Variants in AMZ2 observed in about 807,000 individuals in gnomAD.
AMZ2 encodes the protein archaelysin family metallopeptidase 2.
A neutral mutation model predicts 36.7 loss-of-function variants in AMZ2; 26 were observed. The ratio of observed to expected loss-of-function variants is 0.71; its 90% confidence interval spans 0.52 to 0.98. The LOEUF is 0.98. AMZ2 is among the 50% of genes least tolerant of loss of function. AMZ2 has a pLI of 0.00. For missense variants in AMZ2, 394 were observed against 430.5 expected (o/e 0.92, Z 0.75); for synonymous variants, 144 against 149.1 (o/e 0.97, Z 0.25).
intron 1 of AMZ2, among the ~76,000 whole-genome samples, chr17:68,241,395 A>G (rs2073897585): frequency 6.6e-6 from 1 of 152,208 alleles, no homozygotes; most frequent in South Asian, 2.1e-4. Flanking sequence ...TGACCACCAG[A>G]TTCAACCAAA....
chr17:68,253,232 A>AT (rs2074622309), intron 4 of AMZ2, among the ~76,000 whole-genome samples: 1 of 152,208 alleles, frequency 6.6e-6, no homozygotes, highest in African/African-American at 2.4e-5. Context: ...CCAGAATGCT[A>AT]TCTTTGCTTA....
rs1555743327 is a variant in AMZ2 at position 68,256,981 on chromosome 17, T to C, written c.*12T>C. ...TTCTCCAAAAATGAGGACCTTCAAATAGGAGTGATTGAAATAAATAACTAC... is the reference window on the plus strand; with the variant it reads ...TTCTCCAAAAATGAGGACCTTCAAACAGGAGTGATTGAAATAAATAACTAC... On this transcript the variant is annotated 3_prime_UTR_variant, in exon 7 of 7. Coordinates refer to ENST00000359904, the MANE Select transcript of AMZ2 (RefSeq NM_016627.5). The C allele has an allele frequency of 1.2e-6, 2 of 1,609,732 alleles. No homozygotes were observed. Among genetic ancestry groups the C allele is most frequent in the South Asian group, 1.1e-5 (1 of 90,446 alleles).
chr17:68,235,498 G>A lies in AMZ2; in HGVS notation c.-66-13142G>A, dbSNP rs1437016158. Among the ~76,000 whole-genome samples the A allele has an allele frequency of 2.6e-5, 4 of 152,148 alleles. No individual in the cohort carries two copies. The highest frequency in any genetic ancestry group is 1.3e-4 in the Admixed American group (2 of 15,278). ...CAAGTCCACAGACCGTGGAGTTCGC[G>A]CCCTCTCACTGTGGCACACGGGCCT... On this transcript the variant is annotated intron_variant, in intron 1 of 7. Transcript: ENST00000674770. This position sits in a 1 kb window ranked among gnomAD's most constrained non-coding sequence, Gnocchi z 4.2.
intron 4 of AMZ2, among the ~76,000 whole-genome samples, chr17:68,253,429 C>G (rs2074641333): frequency 6.6e-6 from 1 of 152,172 alleles, no homozygotes; most frequent in African/African-American, 2.4e-5. Flanking sequence ...AGTTATGTAG[C>G]AAACCGTGTT....
At chr17:68,221,221 C>A (rs1383755736) in intron 1 of AMZ2, among the ~76,000 whole-genome samples, 1 of 98,074 alleles carries the variant, frequency 1.0e-5, no homozygotes, top group Non-Finnish European at 2.1e-5. Flanking sequence ...CCCCCCCCGC[C>A]CCCCCGGTAG....
intron 1 of AMZ2, chr17:68,249,130 T>G (rs1444953661): frequency 8.5e-7 from 1 of 1,171,932 alleles, no homozygotes; most frequent in African/African-American, 1.6e-5. Context: ...ATCTGATGTC[T>G]TCCCTAATGT....
chr17:68,236,202 A>T (rs2073783027), intron 1 of AMZ2, among the ~76,000 whole-genome samples: 1 of 152,140 alleles, frequency 6.6e-6, no homozygotes, highest in African/African-American at 2.4e-5. Flanking sequence ...TCTTAAAAAA[A>T]TGTTTTAAAA....
chr17:68,214,920 A>G (rs1421885743), intron 1 of AMZ2, among the ~76,000 whole-genome samples: 2 of 142,346 alleles, frequency 1.4e-5, no homozygotes, highest in African/African-American at 2.5e-5. Context: ...AATAGCTGGG[A>G]CTACAGGTGT....
intron 1 of AMZ2, 54 bp downstream of exon 1, chr17:68,248,759 C>G (rs1270002744): frequency 1.0e-6 from 1 of 995,198 alleles, no homozygotes; most frequent in African/African-American, 1.7e-5. Context: ...CTGTAGAAGT[C>G]AGATTTCAGC....
upstream of AMZ2, among the ~76,000 whole-genome samples, chr17:68,245,798 G>T (rs1405209069): frequency 6.6e-6 from 1 of 152,046 alleles, no homozygotes; most frequent in Non-Finnish European, 1.5e-5. Flanking sequence ...TAAGAAATAG[G>T]TTACAATCAT....
At chr17:68,218,546 A>G (rs1334857292) in intron 1 of AMZ2, among the ~76,000 whole-genome samples, 5 of 152,302 alleles carry the variant, frequency 3.3e-5, no homozygotes, top group African/African-American at 9.6e-5. Flanking sequence ...GAACTAAACT[A>G]TACTTTTAAA....
chr17:68,234,048 G>T (rs1299087494), intron 1 of AMZ2, among the ~76,000 whole-genome samples: 2 of 152,096 alleles, frequency 1.3e-5, no homozygotes, highest in Non-Finnish European at 2.9e-5. Context: ...AGAACAAGTA[G>T]CATTCGGGCT....
intron 1 of AMZ2, among the ~76,000 whole-genome samples, chr17:68,225,144 A>C (rs1486435460): frequency 6.6e-6 from 1 of 152,122 alleles, no homozygotes; most frequent in Non-Finnish European, 1.5e-5. Flanking sequence ...GTGAGCCAGG[A>C]TGGAACCACT....
At chr17:68,242,016 T>G (rs1398625018) in intron 1 of AMZ2, among the ~76,000 whole-genome samples, 1 of 152,002 alleles carries the variant, frequency 6.6e-6, no homozygotes, top group Non-Finnish European at 1.5e-5. Flanking sequence ...AGTGCTGGGA[T>G]TACAGGCGTG....
At chr17:68,253,828 A>G (rs1555741155) in intron 4 of AMZ2, among the ~76,000 whole-genome samples, 1 of 149,860 alleles carries the variant, frequency 6.7e-6, no homozygotes, top group African/African-American at 2.5e-5. Flanking sequence ...ATCTTGGCTC[A>G]CTGCAACTCC....
In AMZ2 at chr17:68,250,877, A is replaced by G; in HGVS notation, c.367A>G (p.Arg123Gly). ...CTGTAAAGCATATTTCTATGGCTTG[A>G]GAGTAAAACTCCTAGAACCAGTTCC... ...GYCKAYFYGL[R>G]VKLLEPVPVS... Residue 123 changes from arginine to glycine, a missense_variant, in exon 3 of 7, where the codon AGA (arginine) becomes GGA (glycine). Arg to Gly is a moderately radical substitution (Grantham distance 125, BLOSUM62 -2). Transcript: ENST00000359904. 6.2e-7 allele frequency: 1 copy of G among 1,610,324 alleles called. No individual in the cohort carries two copies. Among genetic ancestry groups the G allele is most frequent in the Non-Finnish European group, 8.5e-7 (1 of 1,179,114 alleles).
intron 1 of AMZ2, among the ~76,000 whole-genome samples, chr17:68,215,311 G>A (rs1345090529): frequency 7.3e-6 from 1 of 137,358 alleles, no homozygotes; most frequent in African/African-American, 2.8e-5. Context: ...GGTATTCATT[G>A]TGCCATTTTT....
rs1245977840 is a variant in AMZ2 at position 68,250,183 on chromosome 17, G to T, written c.1-5G>T. ...TATATTTGATTACTTGCTTTTTTTT[G>T]TTAGATGCAAATAATACGGCACTCC... On this transcript the variant is annotated splice_polypyrimidine_tract_variant and splice_region_variant and intron_variant, in intron 1 of 6. Transcript: ENST00000359904. 15 of 1,596,130 alleles carry T rather than the reference G, an allele frequency of 9.4e-6. No individual in the cohort carries two copies. In the Admixed American group the frequency reaches 1.3e-4, roughly 13 times the overall value.
upstream of AMZ2, among the ~76,000 whole-genome samples, chr17:68,243,635 A>G (rs1221836629): frequency 6.6e-6 from 1 of 152,198 alleles, no homozygotes; most frequent in Non-Finnish European, 1.5e-5. Flanking sequence ...GTCAATAGGT[A>G]TGAACATTTT....
Sources: gnomAD v4.1 joint callset for allele counts (sites outside exome capture counted in the v4.1 genomes callset) on GRCh38, gnomAD v4.1.1 for gene constraint, Gnocchi (gnomAD v3.1) non-coding constraint, MANE v1.5 for transcripts, NCBI Gene and HGNC (gene_info 2026-07-23, HGNC 2026-07-21) for gene names.